The following PTPN4 variants were observed in gnomAD, a reference collection of about 807,000 sequenced individuals.
PTPN4 encodes protein tyrosine phosphatase non-receptor type 4.
In PTPN4, 49 loss-of-function variants were observed where a neutral mutation model predicts 135.5. That is an observed-to-expected ratio of 0.36 (90% CI 0.29 to 0.46). PTPN4 has a LOEUF of 0.46. Ranked by LOEUF, PTPN4 falls within the 20% of genes least tolerant of loss-of-function variation. The pLI is 1.00. For missense variants in PTPN4, 860 were observed against 1,101.0 expected, an observed-to-expected ratio of 0.78 and a Z score of 3.10; for synonymous variants, 333 against 369.9, an observed-to-expected ratio of 0.90 and a Z score of 1.14.
rs749552097 is a variant in PTPN4 at position 119,962,761 on chromosome 2, T to C, written c.2409+17T>C. 3 of 1,544,190 alleles carry C rather than the reference T, an allele frequency of 1.9e-6. No individual in the cohort carries two copies. In the South Asian group the frequency reaches 3.7e-5, roughly 19 times the overall value. ...AACCAAGAGGTAAGAAGGCAGGATA[T>C]CTGTTCATTAGAACTGTTGTGTTCA... On this transcript the variant is annotated intron_variant, in intron 24 of 26. Transcript: ENST00000263708.
rs533617409 is a variant in PTPN4, at chr2:119,885,095, T to C, written c.588-700T>C. On this transcript the variant is annotated intron_variant, in intron 8 of 26. Coordinates refer to ENST00000263708, the MANE Select transcript of PTPN4 (RefSeq NM_002830.4). ...CAGTTTTGACCTCATCCTTTCTAAA[T>C]CAGACTCTACAGAATAGTCTTCTTA... Among the ~76,000 whole-genome samples the C allele has an allele frequency of 3.9e-5, 6 of 152,316 alleles. No individual in the cohort carries two copies. The South Asian group carries it at 1.2e-3, about 32-fold the overall frequency.
chr2:119,777,451 A>T lies in PTPN4; in HGVS notation c.-18+17067A>T, dbSNP rs76639548. ...TTATAATGGAAGCTCCATGAGGGCA[A>T]GGACCTTTATCTTGTTTTGTTTGTC... On this transcript the variant is annotated intron_variant, in intron 1 of 26. Transcript: ENST00000263708. Among the ~76,000 whole-genome samples, 492 of 152,266 alleles carry T rather than the reference A, an allele frequency of 3.2e-3. 2 individuals are homozygous for T. The highest frequency in any genetic ancestry group is 0.011 in the African/African-American group (465 of 41,564).
chr2:119,960,792 C>A lies in PTPN4; in HGVS notation c.2134-15C>A. On this transcript the variant is annotated splice_polypyrimidine_tract_variant and intron_variant, in intron 22 of 26. Transcript: ENST00000263708. The stretch of plus-strand genomic sequence containing the variant: ...TAATGCAAAACATTTTATTTTCATG[C>A]CCTTTTCTTTTTAGATGGAAATTCC... 6.2e-7 allele frequency: 1 copy of A among 1,602,894 alleles called. No individual in the cohort carries two copies. Among genetic ancestry groups the A allele is most frequent in the Non-Finnish European group, 8.5e-7 (1 of 1,176,696 alleles).
intron 2 of PTPN4, among the ~76,000 whole-genome samples, chr2:119,812,002 T>C (rs1157014829): frequency 6.6e-6 from 1 of 152,112 alleles, no homozygotes; most frequent in Non-Finnish European, 1.5e-5. Context: ...CTAGAAACTT[T>C]CTCTACCATT....
intron 1 of PTPN4, among the ~76,000 whole-genome samples, chr2:119,807,755 T>A: frequency 6.6e-6 from 1 of 152,142 alleles, no homozygotes. Flanking sequence ...TACCAAAGCC[T>A]GGCAGAGACA....
intron 1 of PTPN4, among the ~76,000 whole-genome samples, chr2:119,778,658 TAAAAA>T (rs1239089033): frequency 6.6e-6 from 1 of 152,034 alleles, no homozygotes; most frequent in Admixed American, 6.5e-5. Context: ...ATAAGTTAAA[TAAAAA>T]AGGAAAAGCC....
At chr2:119,821,935 G>A (rs910773564) in intron 2 of PTPN4, among the ~76,000 whole-genome samples, 1 of 151,888 alleles carries the variant, frequency 6.6e-6, no homozygotes, top group Non-Finnish European at 1.5e-5. Context: ...GATTGTTTAT[G>A]TATGACGTAT....
At chr2:119,812,881 G>A (rs920646222) in intron 2 of PTPN4, among the ~76,000 whole-genome samples, 1 of 152,102 alleles carries the variant, frequency 6.6e-6, no homozygotes, top group African/African-American at 2.4e-5. Context: ...TTTTTGACTT[G>A]ACTTTTACTT....
intron 10 of PTPN4, among the ~76,000 whole-genome samples, chr2:119,902,878 G>A (rs1272534376): frequency 6.6e-6 from 1 of 152,096 alleles, no homozygotes; most frequent in African/African-American, 2.4e-5. Context: ...GTTTCAGAGA[G>A]GGAGTTTGCA....
At chr2:119,777,273 A>T (rs1008733625) in intron 1 of PTPN4, among the ~76,000 whole-genome samples, 6 of 152,102 alleles carry the variant, frequency 3.9e-5, no homozygotes, top group African/African-American at 1.4e-4. Flanking sequence ...CACATGGCTC[A>T]CTCTTTTACT....
chr2:119,932,359 A>G lies in PTPN4; in HGVS notation c.1071-65A>G. On this transcript the variant is annotated intron_variant, in intron 13 of 26. Transcript: ENST00000263708. ...ATAATCTCTGAAAACAAATTGTAGG[A>G]TTTGATTCATGGTTTGGGGTATAAA... 3 of 1,402,800 alleles carry G rather than the reference A, an allele frequency of 2.1e-6. No homozygotes were observed. In the South Asian group the frequency reaches 4.4e-5, roughly 21 times the overall value. The allele number at this position is 1,402,800 out of a possible 1,614,324, so 86.9% of individuals were successfully genotyped here. A position where few individuals can be genotyped will look rare whatever the true frequency, so the allele number is the denominator to read the frequency against.
Position 119,767,415 on chromosome 2 carries a change from G to A in PTPN4, c.-18+7031G>A, listed in dbSNP as rs529789929. 1.2e-4 allele frequency among the ~76,000 whole-genome samples: 19 copies of A among 152,302 alleles called. 1 individual carries two copies. In the South Asian group the frequency reaches 2.5e-3, roughly 20 times the overall value. On this transcript the variant is annotated intron_variant, in intron 1 of 26. Coordinates refer to ENST00000263708, the MANE Select transcript of PTPN4 (RefSeq NM_002830.4). Reference sequence around the variant, plus strand: ...TACTAAATATTTTAGTGTGTATTTAGCAAAACAGGACAATCTCCTACATAA... The same window carrying A: ...TACTAAATATTTTAGTGTGTATTTAACAAAACAGGACAATCTCCTACATAA...
At chr2:119,830,536 TTG>T (rs971761316) in intron 2 of PTPN4, among the ~76,000 whole-genome samples, 2 of 152,186 alleles carry the variant, frequency 1.3e-5, no homozygotes, top group Admixed American at 1.3e-4. Context: ...TGGCGCGGTC[TTG>T]GCTCAGTGCA....
chr2:119,826,812 G>C (rs1677153340), intron 2 of PTPN4, among the ~76,000 whole-genome samples: 1 of 152,160 alleles, frequency 6.6e-6, no homozygotes, highest in South Asian at 2.1e-4. Context: ...GATTGCTTGA[G>C]GCTAGGAGTT....
At chr2:119,797,435 T>A (rs575780885) in intron 1 of PTPN4, among the ~76,000 whole-genome samples, 1 of 152,344 alleles carries the variant, frequency 6.6e-6, no homozygotes, top group Admixed American at 6.5e-5. Context: ...TTTTCAGAGT[T>A]GCTTTAGAAG....
intron 9 of PTPN4, among the ~76,000 whole-genome samples, chr2:119,890,524 T>C (rs1319017930): frequency 6.6e-6 from 1 of 152,192 alleles, no homozygotes; most frequent in African/African-American, 2.4e-5. Flanking sequence ...AAGTTATTGG[T>C]ATGTGAGGTT....
At chr2:119,882,672 T>G (rs769157706) in intron 8 of PTPN4, 49 bp downstream of exon 8, 2 of 1,386,086 alleles carry the variant, frequency 1.4e-6, no homozygotes, top group Admixed American at 5.3e-5. Flanking sequence ...ATGGCATTCT[T>G]TCTAGAGAAA....
At chr2:119,905,069 A>AT (rs1280631472) in intron 10 of PTPN4, among the ~76,000 whole-genome samples, 1 of 152,084 alleles carries the variant, frequency 6.6e-6, no homozygotes, top group Non-Finnish European at 1.5e-5. Flanking sequence ...AAGGGAAACA[A>AT]TAAGAGGATG....
At chr2:119,965,467 C>CA in intron 24 of PTPN4, 30 bp from the exon 25 acceptor site, 2 of 1,578,314 alleles carry the variant, frequency 1.3e-6, no homozygotes, top group South Asian at 1.2e-5. Context: ...ATACATAAGT[C>CA]AAGGTGCATA....
Sources: gnomAD v4.1 joint callset for allele counts (sites outside exome capture counted in the v4.1 genomes callset) on GRCh38, gnomAD v4.1.1 for gene constraint, MANE v1.5 for transcripts, NCBI Gene and HGNC (gene_info 2026-07-23, HGNC 2026-07-21) for gene names.